The following PCCA variants were observed in gnomAD, a reference collection of about 807,000 sequenced individuals.
The protein encoded by PCCA is propionyl-CoA carboxylase alpha chain, mitochondrial.
In PCCA, 74 loss-of-function variants were observed where a neutral mutation model predicts 101.3. The observed-to-expected ratio is 0.73, with a 90% confidence interval of 0.61 to 0.89. The LOEUF (loss-of-function observed/expected upper bound fraction) is 0.89, where lower values mean the gene tolerates loss of function less well. Among genes scored for constraint, PCCA ranks in the 40% least tolerant of loss-of-function variants. PCCA has a pLI of 0.00. For synonymous variants in PCCA, 294 were observed against 313.6 expected (o/e 0.94, Z 0.66); for missense variants, 891 against 907.0 (o/e 0.98, Z 0.23).
In PCCA at chr13:100,465,453, T is replaced by C. The variant is rs1459285766; in HGVS notation, c.1899+16148T>C. 2.0e-5 allele frequency among the ~76,000 whole-genome samples: 3 copies of C among 152,348 alleles called. No individual in the cohort carries two copies. In the South Asian group the frequency reaches 6.2e-4, roughly 32 times the overall value. On this transcript the variant is annotated intron_variant, in intron 21 of 23. Coordinates refer to ENST00000376285, the MANE Select transcript of PCCA (RefSeq NM_000282.4). ...GGGAGTGACATGATAGGATCTAAAG[T>C]ATAATTAGGTCCATAGTGTCATCAA... is the stretch of plus-strand genomic sequence containing the variant.
At chr13:100,148,674 CAA>C (rs1330100602) in intron 4 of PCCA, among the ~76,000 whole-genome samples, 1 of 151,974 alleles carries the variant, frequency 6.6e-6, no homozygotes, top group East Asian at 1.9e-4. Flanking sequence ...GCTTGCAAGA[CAA>C]AGACTAAAAC....
chr13:100,291,430 G>A (rs942618762), intron 12 of PCCA, among the ~76,000 whole-genome samples: 7 of 152,238 alleles, frequency 4.6e-5, no homozygotes, highest in African/African-American at 1.7e-4. Context: ...CTCAGGGGAT[G>A]TGTGTGCACA....
At chr13:100,190,959 T>C (rs1269997990) in intron 6 of PCCA, among the ~76,000 whole-genome samples, 1 of 152,006 alleles carries the variant, frequency 6.6e-6, no homozygotes, top group East Asian at 1.9e-4. Flanking sequence ...TAGCCAGGCA[T>C]GGTGGTGTGC....
intron 22 of PCCA, chr13:100,527,363 A>G (rs2087929751): frequency 2.0e-6 from 1 of 504,608 alleles, no homozygotes; most frequent in Non-Finnish European, 4.0e-6. Flanking sequence ...AAAACATTCC[A>G]ATTTCCGAAC....
chr13:100,366,330 C>T (rs549261885), intron 18 of PCCA, among the ~76,000 whole-genome samples: 3 of 152,250 alleles, frequency 2.0e-5, no homozygotes, highest in East Asian at 1.9e-4. Context: ...CACCTGTGCT[C>T]TTGCTCTCCT....
intron 19 of PCCA, among the ~76,000 whole-genome samples, chr13:100,378,882 A>G (rs987033582): frequency 4.0e-5 from 6 of 151,858 alleles, no homozygotes; most frequent in Non-Finnish European, 7.4e-5. Flanking sequence ...GTGTCTCACT[A>G]TTATTAGTAT....
chr13:100,506,807 G>A (rs1243649556), intron 21 of PCCA, among the ~76,000 whole-genome samples: 3 of 152,114 alleles, frequency 2.0e-5, no homozygotes, highest in Non-Finnish European at 4.4e-5. Context: ...GGGCACCGTC[G>A]TGAAATGGTA....
At chr13:100,090,723 T>C (rs2046205365) in intron 1 of PCCA, among the ~76,000 whole-genome samples, 1 of 152,176 alleles carries the variant, frequency 6.6e-6, no homozygotes, top group South Asian at 2.1e-4. Flanking sequence ...GAATTCTGTG[T>C]TCTAGATACT....
intron 1 of PCCA, among the ~76,000 whole-genome samples, chr13:100,100,077 G>C (rs1440886837): frequency 6.6e-6 from 1 of 152,104 alleles, no homozygotes; most frequent in Non-Finnish European, 1.5e-5. Context: ...GCACTTTACT[G>C]TTTATAAAAA....
chr13:100,505,905 C>A (rs561216892), intron 21 of PCCA, among the ~76,000 whole-genome samples: 37 of 147,322 alleles, frequency 2.5e-4, no homozygotes, highest in African/African-American at 9.1e-4. Flanking sequence ...TTCTGAACAA[C>A]CAGAGATGTT....
intron 19 of PCCA, among the ~76,000 whole-genome samples, chr13:100,401,475 C>T (rs779540274): frequency 6.6e-6 from 1 of 152,152 alleles, no homozygotes; most frequent in Non-Finnish European, 1.5e-5. Flanking sequence ...AACTCGTGAC[C>T]TTGTGATCCA....
At chr13:100,270,516 GTGTT>G (rs1360733007) in intron 11 of PCCA, among the ~76,000 whole-genome samples, 2 of 152,040 alleles carry the variant, frequency 1.3e-5, no homozygotes, top group African/African-American at 4.8e-5. Flanking sequence ...ATCATAAAAT[GTGTT>G]TGTTTTTTCT....
chr13:100,125,513 G>A (rs2152311560), intron 4 of PCCA, among the ~76,000 whole-genome samples: 1 of 152,186 alleles, frequency 6.6e-6, no homozygotes, highest in South Asian at 2.1e-4. Flanking sequence ...GGTAATCAAA[G>A]GGTTTAAAAA....
intron 20 of PCCA, among the ~76,000 whole-genome samples, chr13:100,438,163 C>CT (rs1566302873): frequency 2.7e-5 from 4 of 147,630 alleles, no homozygotes; most frequent in South Asian, 2.2e-4. Context: ...TTTTATTTTA[C>CT]TTTTTTTTTA....
intron 1 of PCCA, among the ~76,000 whole-genome samples, chr13:100,102,420 C>T (rs1366973342): frequency 6.6e-6 from 1 of 152,182 alleles, no homozygotes; most frequent in African/African-American, 2.4e-5. Flanking sequence ...TCAGCCAAAC[C>T]ACTTCTGTAC....
chr13:100,293,305 CA>C (rs1488392871), intron 12 of PCCA: 5 of 463,054 alleles, frequency 1.1e-5, no homozygotes, highest in Admixed American at 2.4e-5. Context: ...CTAATCTCAT[CA>C]GGGGGAATTC....
At chr13:100,511,460 T>G (rs1184985081) in intron 21 of PCCA, among the ~76,000 whole-genome samples, 1 of 152,114 alleles carries the variant, frequency 6.6e-6, no homozygotes, top group African/African-American at 2.4e-5. Flanking sequence ...CCTCCTTACT[T>G]AGTGAGGGGT....
At chr13:100,194,824 T>A (rs1312204002) in intron 6 of PCCA, among the ~76,000 whole-genome samples, 9 of 152,152 alleles carry the variant, frequency 5.9e-5, no homozygotes, top group Admixed American at 5.9e-4. Context: ...TCACTAAGTG[T>A]GAGTGGACTG....
intron 6 of PCCA, among the ~76,000 whole-genome samples, chr13:100,179,730 TG>T (rs1566647200): frequency 1.1e-5 from 1 of 91,948 alleles, no homozygotes; most frequent in Non-Finnish European, 2.6e-5. Context: ...TTTTCCTGTC[TG>T]TGTGTGTGTG....
Sources: allele counts gnomAD v4.1 joint callset (sites outside exome capture counted in the v4.1 genomes callset), GRCh38; gene constraint gnomAD v4.1.1; transcripts MANE v1.5; gene names NCBI Gene and HGNC (gene_info 2026-07-23, HGNC 2026-07-21).